Variants in LCE4A observed in about 807,000 individuals in gnomAD.
The protein encoded by LCE4A is late cornified envelope protein 4A.
For synonymous variants in LCE4A, 41 were observed against 42.3 expected, an observed-to-expected ratio of 0.97 and a Z score of 0.12; for missense variants, 110 against 111.3, an observed-to-expected ratio of 0.99 and a Z score of 0.05.
At position 152,709,046 on chromosome 1, in the gene LCE4A, G is replaced by C; in HGVS notation, c.-21-9G>C. Reference sequence around the variant, plus strand: ...AAGTTTCTGTATATGTTTCTATTTTGTCATTCAGGTTTATCGAAATCCCAC... The same window carrying C: ...AAGTTTCTGTATATGTTTCTATTTTCTCATTCAGGTTTATCGAAATCCCAC... On this transcript the variant is annotated splice_polypyrimidine_tract_variant and intron_variant, in intron 1 of 1. Coordinates refer to ENST00000368777, the MANE Select transcript of LCE4A (RefSeq NM_001387222.1). The C allele has an allele frequency of 6.4e-7, 1 of 1,556,506 alleles. No homozygotes were observed. Among genetic ancestry groups the C allele is most frequent in the Non-Finnish European group, 8.8e-7 (1 of 1,136,952 alleles).
intron 1 of LCE4A, among the ~76,000 whole-genome samples, 177 bp from the exon 2 acceptor site, chr1:152,708,878 G>T (rs1159434526): frequency 1.3e-5 from 2 of 151,948 alleles, no homozygotes; most frequent in Non-Finnish European, 2.9e-5. Flanking sequence ...AAGAATTTTT[G>T]AAAGCTCTAG....
rs200049205 is a variant in LCE4A at position 152,708,992 on chromosome 1, T to TA, written c.-21-54dup. On this transcript the variant is annotated intron_variant, in intron 1 of 1. Transcript: ENST00000368777. ...ATCACCTTGGGGGAGGATTTTAAAA[T>TA]AAAAAAAAATGTAATGGCTCTTGAT... 2,099 of 1,100,652 alleles carry TA rather than the reference T, an allele frequency of 1.9e-3. 2 individuals carry two copies. The highest frequency in any genetic ancestry group is 2.1e-3 in the South Asian group (134 of 65,012). 68.2% of individuals were successfully genotyped at this position (1,100,652 alleles called of 1,614,324 possible).
Position 152,708,912 on chromosome 1 carries a change from A to G in LCE4A, c.-21-143A>G, listed in dbSNP as rs531927578. Reference sequence around the variant, plus strand: ...AGGGGTACAAAAGTAATGAAGATATACTCTTTGTCTGAAAGAGGTTTCTAT... The same window carrying G: ...AGGGGTACAAAAGTAATGAAGATATGCTCTTTGTCTGAAAGAGGTTTCTAT... On this transcript the variant is annotated intron_variant, in intron 1 of 1. Transcript: ENST00000368777. The G allele has an allele frequency of 3.8e-5, 23 of 600,612 alleles. 1 individual carries two copies. The South Asian group carries it at 5.0e-4, about 13-fold the overall frequency. 37.2% of individuals were successfully genotyped at this position (600,612 alleles called of 1,614,324 possible).
Position 152,709,052 on chromosome 1 carries a change from C to T in LCE4A, c.-21-3C>T. The T allele has an allele frequency of 1.3e-6, 2 of 1,583,606 alleles. No individual in the cohort carries two copies. Among genetic ancestry groups the T allele is most frequent in the African/African-American group, 1.4e-5 (1 of 74,020 alleles). Reference sequence around the variant, plus strand: ...CTGTATATGTTTCTATTTTGTCATTCAGGTTTATCGAAATCCCACCAAGAT... The same window carrying T: ...CTGTATATGTTTCTATTTTGTCATTTAGGTTTATCGAAATCCCACCAAGAT... On this transcript the variant is annotated splice_polypyrimidine_tract_variant and splice_region_variant and intron_variant, in intron 1 of 1. Coordinates refer to ENST00000368777, the MANE Select transcript of LCE4A (RefSeq NM_001387222.1).
chr1:152,709,368 G>C lies in LCE4A; in HGVS notation c.293G>C (p.Cys98Ser), dbSNP rs1441539049. 6.3e-7 allele frequency: 1 copy of C among 1,578,176 alleles called. No homozygotes were observed. The highest frequency in any genetic ancestry group is 8.6e-7 in the Non-Finnish European group (1 of 1,160,704). ...GGSGCCSGGG[C>S]C ...TCTGGCTGCTGCTCTGGAGGGGGCT[G>C]TTGCTGACCTGGACCAGGAGCAGCA... Residue 98 changes from cysteine to serine, a missense_variant, in exon 2 of 2, where the codon TGT (cysteine) becomes TCT (serine). By Grantham distance (112) the Cys-to-Ser change is moderately radical. Coordinates refer to ENST00000368777, the MANE Select transcript of LCE4A (RefSeq NM_001387222.1).
In LCE4A at chr1:152,709,062, G is replaced by A. The variant is rs543195087; in HGVS notation, c.-14G>A. On this transcript the variant is annotated 5_prime_UTR_variant, in exon 2 of 2. Coordinates refer to ENST00000368777, the MANE Select transcript of LCE4A (RefSeq NM_001387222.1). ...TTCTATTTTGTCATTCAGGTTTATC[G>A]AAATCCCACCAAGATGTCCTGCCAG... 8.7e-6 allele frequency: 14 copies of A among 1,604,072 alleles called. No homozygotes were observed. The highest frequency in any genetic ancestry group is 1.7e-4 in the Middle Eastern group (1 of 6,048).
rs113617356 is a variant in LCE4A at position 152,709,216 on chromosome 1, CTGTGGT to C, written c.144_149del (p.Gly49_Cys50del). The C allele has an allele frequency of 3.7e-6, 6 of 1,609,064 alleles. No individual in the cohort carries two copies. The highest frequency in any genetic ancestry group is 2.2e-5 in the East Asian group (1 of 44,878). ...CCTGCTGTGGCTCCAGCTCTGGGGGCTGTGGTTGCTGCAGCTCTGAGGGAGGTGGCT... is the reference window on the plus strand; with the variant it reads ...CCTGCTGTGGCTCCAGCTCTGGGGGCTGCTGCAGCTCTGAGGGAGGTGGCT... On this transcript the variant is annotated inframe_deletion, in exon 2 of 2. Transcript: ENST00000368777.
chr1:152,708,847 A>T (rs1649733675), intron 1 of LCE4A, among the ~76,000 whole-genome samples: 1 of 152,160 alleles, frequency 6.6e-6, no homozygotes, highest in African/African-American at 2.4e-5. Flanking sequence ...GAAGTCACTT[A>T]TTAACCACCT....
At chr1:152,708,999 A>C in intron 1 of LCE4A, 56 bp from the exon 2 acceptor site, 1 of 1,186,630 alleles carries the variant, frequency 8.4e-7, no homozygotes, top group Non-Finnish European at 1.2e-6. Context: ...AAATAAAAAA[A>C]AATGTAATGG....
chr1:152,708,701 A>G (rs1649730781), intron 1 of LCE4A, among the ~76,000 whole-genome samples: 1 of 151,974 alleles, frequency 6.6e-6, no homozygotes, highest in African/African-American at 2.4e-5. Flanking sequence ...CAGATCTCAA[A>G]TTTATTATTA....
chr1:152,709,391 G>C lies in LCE4A; in HGVS notation c.*16G>C. 6.5e-7 allele frequency: 1 copy of C among 1,536,050 alleles called. No individual in the cohort carries two copies. Among genetic ancestry groups the C allele is most frequent in the East Asian group, 2.3e-5 (1 of 44,040 alleles). On this transcript the variant is annotated 3_prime_UTR_variant, in exon 2 of 2. Transcript: ENST00000368777. ...CTGTTGCTGACCTGGACCAGGAGCA[G>C]CACCAAAGGAATTAGTGGGCGAAGG...
rs1233990423 is a variant in LCE4A, at chr1:152,708,240, C to T, written c.-176C>T. On this transcript the variant is annotated 5_prime_UTR_variant, in exon 1 of 2. Coordinates refer to ENST00000368777, the MANE Select transcript of LCE4A (RefSeq NM_001387222.1). Reference sequence around the variant, plus strand: ...GGAGGCAGGAGAATGTCAGGCATGACCCCACACTTGTGCAACAGCCACGTC... The same window carrying T: ...GGAGGCAGGAGAATGTCAGGCATGATCCCACACTTGTGCAACAGCCACGTC... 6.6e-6 allele frequency: 1 copy of T among 152,358 alleles called. No homozygotes were observed. The highest frequency in any genetic ancestry group is 1.5e-5 in the Non-Finnish European group (1 of 68,148). 9.4% of individuals were successfully genotyped at this position (152,358 alleles called of 1,614,324 possible). A position where few individuals can be genotyped will look rare whatever the true frequency, so the allele number is the denominator to read the frequency against.
rs1234113586 is a variant in LCE4A at position 152,709,300 on chromosome 1, C to T, written c.225C>T (p.Ser75=). 1 of 1,613,918 alleles carries T rather than the reference C, an allele frequency of 6.2e-7. No individual in the cohort carries two copies. Among genetic ancestry groups the T allele is most frequent in the East Asian group, 2.2e-5 (1 of 44,866 alleles). The change falls in exon 2 of 2, where the codon AGC becomes AGT. Residue 75 remains serine (S), a synonymous_variant. Transcript: ENST00000368777. ...HHRSHCHRPK[S]SNCYGSGSGQ... Reference sequence around the variant, plus strand: ...GGTCCCACTGCCACAGACCCAAGAGCTCCAATTGCTATGGCAGTGGCAGTG... The same window carrying T: ...GGTCCCACTGCCACAGACCCAAGAGTTCCAATTGCTATGGCAGTGGCAGTG...
chr1:152,708,783 G>A (rs1649732122), intron 1 of LCE4A, among the ~76,000 whole-genome samples: 3 of 152,166 alleles, frequency 2.0e-5, no homozygotes, highest in African/African-American at 4.8e-5. Flanking sequence ...GAATTGCAAT[G>A]TATTTAACAT....
intron 1 of LCE4A, 125 bp from the exon 2 acceptor site, chr1:152,708,930 G>T: frequency 1.6e-6 from 1 of 634,076 alleles, no homozygotes; most frequent in South Asian, 2.2e-5. Context: ...TCTGAAAGAG[G>T]TTTCTATACA....
rs1442650670 is a variant in LCE4A, at chr1:152,708,820, C to T, written c.-21-235C>T. ...TCTTTGAGATGGCATTCAAATTTTGCTGGCTTTATTAGCTCAGAAGTCACT... is the reference window on the plus strand; with the variant it reads ...TCTTTGAGATGGCATTCAAATTTTGTTGGCTTTATTAGCTCAGAAGTCACT... On this transcript the variant is annotated intron_variant, in intron 1 of 1. Coordinates refer to ENST00000368777, the MANE Select transcript of LCE4A (RefSeq NM_001387222.1). Among the ~76,000 whole-genome samples the T allele has an allele frequency of 2.0e-5, 3 of 152,102 alleles. No homozygotes were observed. In the East Asian group the frequency reaches 5.8e-4, roughly 29 times the overall value.
At chr1:152,708,614 G>A (rs1649727837) in intron 1 of LCE4A, among the ~76,000 whole-genome samples, 1 of 152,194 alleles carries the variant, frequency 6.6e-6, no homozygotes. Flanking sequence ...AATGACCTGG[G>A]ATTGCTACAT....
chr1:152,709,308 G>T lies in LCE4A; in HGVS notation c.233G>T (p.Cys78Phe). ...SHCHRPKSSNCYGSGSGQQSG... is the reference protein window; with the variant it reads ...SHCHRPKSSNFYGSGSGQQSG... ...TGCCACAGACCCAAGAGCTCCAATT[G>T]CTATGGCAGTGGCAGTGGCCAGCAG... The change falls in exon 2 of 2, where the codon TGC (cysteine) becomes TTC (phenylalanine). Residue 78 changes from cysteine to phenylalanine, a missense_variant. Cys to Phe is a radical substitution (Grantham distance 205). Transcript: ENST00000368777. 1 of 1,613,372 alleles carries T rather than the reference G, an allele frequency of 6.2e-7. No individual in the cohort carries two copies. Among genetic ancestry groups the T allele is most frequent in the South Asian group, 1.1e-5 (1 of 91,010 alleles).
Position 152,709,415 on chromosome 1 carries a change from G to A in LCE4A, c.*40G>A, listed in dbSNP as rs1649755481. On this transcript the variant is annotated 3_prime_UTR_variant, in exon 2 of 2. Coordinates refer to ENST00000368777, the MANE Select transcript of LCE4A (RefSeq NM_001387222.1). Reference sequence around the variant, plus strand: ...AGCACCAAAGGAATTAGTGGGCGAAGGACCCATTGCAGCCTGGTGTTTTAC... The same window carrying A: ...AGCACCAAAGGAATTAGTGGGCGAAAGACCCATTGCAGCCTGGTGTTTTAC... 1 of 1,500,062 alleles carries A rather than the reference G, an allele frequency of 6.7e-7. No homozygotes were observed. Among genetic ancestry groups the A allele is most frequent in the Non-Finnish European group, 8.9e-7 (1 of 1,119,560 alleles). The allele number at this position is 1,500,062 out of a possible 1,614,324, so 92.9% of individuals were successfully genotyped here.
Sources: gnomAD v4.1 joint callset for allele counts (sites outside exome capture counted in the v4.1 genomes callset) on GRCh38, gnomAD v4.1.1 for gene constraint, MANE v1.5 for transcripts, NCBI Gene and HGNC (gene_info 2026-07-23, HGNC 2026-07-21) for gene names.